ZNF843: variants seen among roughly 807,000 people sequenced by gnomAD.
ZNF843 encodes zinc finger protein 843.
For synonymous variants in ZNF843, 185 were observed against 207.7 expected (o/e 0.89, Z 0.94); for missense variants, 482 against 469.4 (o/e 1.03, Z -0.25).
At chr16:31,437,693 C>T (rs1373628556) in intron 1 of ZNF843, among the ~76,000 whole-genome samples, 3 of 143,694 alleles carry the variant, frequency 2.1e-5, no homozygotes, top group South Asian at 2.2e-4. Flanking sequence ...CTAGCTATGT[C>T]GGCTCACTGC....
rs2082183515 is a variant in ZNF843 at position 31,436,718 on chromosome 16, C to G, written c.132G>C (p.Gln44His). ...GCCAGTGCTGGAGGAGGGATGCGCT[C>G]TGAGTAAAACCCCTCCCGCAGGCCT... is the stretch of plus-strand genomic sequence containing the variant. ...KCKACGRGFT[Q>H]SASLLQHWRV... Residue 44 changes from glutamine to histidine, a missense_variant, in exon 2 of 2, where the codon CAG becomes CAC. Gln to His is a conservative substitution (Grantham distance 24). Transcript: ENST00000315678. 7.7e-6 allele frequency: 12 copies of G among 1,551,720 alleles called. No individual in the cohort carries two copies. Among genetic ancestry groups the G allele is most frequent in the Non-Finnish European group, 1.0e-5 (12 of 1,147,030 alleles).
At chr16:31,442,496 T>C (rs1187943659) in intron 1 of ZNF843, 140 bp downstream of exon 1, 1 of 151,994 alleles carries the variant, frequency 6.6e-6, no homozygotes, top group Non-Finnish European at 1.5e-5. Flanking sequence ...AATTTTTGCA[T>C]TTTTAGTAGA....
chr16:31,436,047 C>A lies in ZNF843; in HGVS notation c.803G>T (p.Gly268Val). Reference protein sequence around the residue: ...QPAAQQEGAMGPRSCASAGRD... With the variant: ...QPAAQQEGAMVPRSCASAGRD... ...TCCCGCGCTCGCACAGCTTCTGGGCCCCATCGCCCCCTCCTGCTGAGCTGC... is the reference window on the plus strand; with the variant it reads ...TCCCGCGCTCGCACAGCTTCTGGGCACCATCGCCCCCTCCTGCTGAGCTGC... Residue 268 changes from glycine (G) to valine (V), a missense_variant, in exon 2 of 2, where the codon GGG becomes GTG. Coordinates refer to ENST00000315678, the MANE Select transcript of ZNF843 (RefSeq NM_001136509.3). 6.5e-7 allele frequency: 1 copy of A among 1,541,352 alleles called. No homozygotes were observed. Among genetic ancestry groups the A allele is most frequent in the Admixed American group, 2.0e-5 (1 of 49,712 alleles).
chr16:31,436,750 T>C lies in ZNF843; in HGVS notation c.100A>G (p.Lys34Glu). Residue 34 changes from lysine (K) to glutamate (E), a missense_variant, in exon 2 of 2, where the codon AAG (lysine) becomes GAG (glutamate). Lys to Glu is a moderately conservative substitution (Grantham distance 56, BLOSUM62 1). Transcript: ENST00000315678. ...GRFTQGRQPC[K>E]CKACGRGFTQ... is the part of the protein sequence containing the mutation. ...AAACCCCTCCCGCAGGCCTTGCACT[T>C]GCAGGGCTGACGGCCCTGGGTGAAT... is the stretch of plus-strand genomic sequence containing the variant. The C allele has an allele frequency of 6.4e-7, 1 of 1,551,734 alleles. No individual in the cohort carries two copies. The highest frequency in any genetic ancestry group is 8.7e-7 in the Non-Finnish European group (1 of 1,147,026).
rs1323315595 is a variant in ZNF843 at position 31,436,319 on chromosome 16, G to A, written c.531C>T (p.Ser177=). 1.3e-6 allele frequency: 2 copies of A among 1,547,126 alleles called. No homozygotes were observed. Among genetic ancestry groups the A allele is most frequent in the Non-Finnish European group, 8.7e-7 (1 of 1,144,124 alleles). The part of the protein sequence containing the change: ...HPGEKTCRGG[S]VESVSLAPSS... ...TGGGTGCGAGGCTGACGCTCTCCAC[G>A]CTCCCACCCCTGCAGGTCTTCTCCC... Residue 177 remains serine, a synonymous_variant, in exon 2 of 2, where the codon AGC becomes AGT. Transcript: ENST00000315678.
chr16:31,442,469 C>A (rs2082204879), intron 1 of ZNF843, among the ~76,000 whole-genome samples, 167 bp downstream of exon 1: 1 of 152,152 alleles, frequency 6.6e-6, no homozygotes. Context: ...CACAGGCGTC[C>A]GCCACCACGC....
Position 31,436,453 on chromosome 16 carries a change from G to C in ZNF843, c.397C>G (p.Arg133Gly). The change falls in exon 2 of 2, where the codon CGG becomes GGG. Residue 133 changes from arginine (R) to glycine (G), a missense_variant. Arg to Gly is a moderately radical substitution (Grantham distance 125). Transcript: ENST00000315678. ...CTCCTGTGTGAATTCGCTGGTGGCC[G>C]ATCAGCTTCCACCGGTCCCCAAAAA... ...AGFWGPVEADRPPANSHRRVC... is the reference protein window; with the variant it reads ...AGFWGPVEADGPPANSHRRVC... 16 of 1,551,668 alleles carry C rather than the reference G, an allele frequency of 1.0e-5. No individual in the cohort carries two copies. The highest frequency in any genetic ancestry group is 1.4e-5 in the Non-Finnish European group (16 of 1,146,970).
rs1380403419 is a variant in ZNF843 at position 31,435,903 on chromosome 16, CGGCACTGTCGCTGAAGCCT to C, written c.928_946del (p.Arg310GlufsTer99). 6.5e-7 allele frequency: 1 copy of C among 1,544,388 alleles called. No individual in the cohort carries two copies. Among genetic ancestry groups the C allele is most frequent in the Non-Finnish European group, 8.7e-7 (1 of 1,143,676 alleles). ...TGGGTTCGAGGGCGGTGGAGGAGCT[CGGCACTGTCGCTGAAGCCT>C]GGCCCTGGCCTCGCCGAGCGGTCCG... On this transcript the variant is annotated frameshift_variant, in exon 2 of 2. Coordinates refer to ENST00000315678, the MANE Select transcript of ZNF843 (RefSeq NM_001136509.3). LOFTEE classifies it low-confidence loss of function (END_TRUNC).
chr16:31,439,034 C>T (rs562064119), intron 1 of ZNF843, among the ~76,000 whole-genome samples: 1 of 151,540 alleles, frequency 6.6e-6, no homozygotes, highest in African/African-American at 2.4e-5. Context: ...ATAGCATTAG[C>T]AGATATACCT....
In ZNF843 at chr16:31,435,856, C is replaced by T. The variant is rs1199880966; in HGVS notation, c.994G>A (p.Val332Met). The change falls in exon 2 of 2, where the codon GTG becomes ATG. Residue 332 changes from valine to methionine, a missense_variant. Val to Met is a conservative substitution (Grantham distance 21). Coordinates refer to ENST00000315678, the MANE Select transcript of ZNF843 (RefSeq NM_001136509.3). ...CTGGAGGCCTTCCACACCGGAAACA[C>T]TGGTAGGGCTCCTCTCCAGTGTGGG... ...SNPHWRGALP[V>M]FPVWKASSRR... 4.0e-6 allele frequency: 6 copies of T among 1,499,656 alleles called. No homozygotes were observed. The highest frequency in any genetic ancestry group is 5.3e-6 in the Non-Finnish European group (6 of 1,121,764). 92.9% of individuals were successfully genotyped at this position (1,499,656 alleles called of 1,614,324 possible).
intron 1 of ZNF843, among the ~76,000 whole-genome samples, chr16:31,438,377 C>T (rs2142883940): frequency 6.6e-6 from 1 of 152,280 alleles, no homozygotes; most frequent in Middle Eastern, 3.4e-3. Context: ...TTTTAACAAT[C>T]AAAGTAGCCA....
chr16:31,436,630 G>T lies in ZNF843; in HGVS notation c.220C>A (p.Pro74Thr). 2 of 1,551,584 alleles carry T rather than the reference G, an allele frequency of 1.3e-6. No individual in the cohort carries two copies. Among genetic ancestry groups the T allele is most frequent in the Non-Finnish European group, 1.7e-6 (2 of 1,146,972 alleles). Residue 74 changes from proline (P) to threonine (T), a missense_variant, in exon 2 of 2, where the codon CCG becomes ACG. Physicochemically the swap from Pro to Thr is conservative, Grantham distance 38. Transcript: ENST00000315678. ...LSPVRQDLLW[P>T]LQPHQAPASP... The stretch of plus-strand genomic sequence containing the variant: ...GCTGGTGCTTGATGAGGTTGGAGCG[G>T]CCACAGCAGGTCTTGCCGCACTGGG...
chr16:31,435,746 T>A lies in ZNF843; in HGVS notation c.*57A>T. The A allele has an allele frequency of 7.0e-7, 1 of 1,419,470 alleles. No homozygotes were observed. Among genetic ancestry groups the A allele is most frequent in the Non-Finnish European group, 9.3e-7 (1 of 1,078,244 alleles). 87.9% of individuals were successfully genotyped at this position (1,419,470 alleles called of 1,614,324 possible). A position where few individuals can be genotyped will look rare whatever the true frequency, so the allele number is the denominator to read the frequency against. ...TGGAGGGAGGGGACTGCATCTCAGATCCACAGTCCACCGGCGGCTGCAACA... is the reference window on the plus strand; with the variant it reads ...TGGAGGGAGGGGACTGCATCTCAGAACCACAGTCCACCGGCGGCTGCAACA... On this transcript the variant is annotated 3_prime_UTR_variant, in exon 2 of 2. Coordinates refer to ENST00000315678, the MANE Select transcript of ZNF843 (RefSeq NM_001136509.3).
chr16:31,440,223 T>C (rs2082196609), intron 1 of ZNF843, among the ~76,000 whole-genome samples: 1 of 152,250 alleles, frequency 6.6e-6, no homozygotes, highest in African/African-American at 2.4e-5. Context: ...TCCTCTGAAC[T>C]ACTATGCCAC....
At chr16:31,437,482 T>C (rs1488015557) in intron 1 of ZNF843, among the ~76,000 whole-genome samples, 1 of 150,866 alleles carries the variant, frequency 6.6e-6, no homozygotes, top group Non-Finnish European at 1.5e-5. Context: ...TTTTTTTTTT[T>C]TTTGGTAGAA....
chr16:31,440,941 A>G (rs1019961184), intron 1 of ZNF843, among the ~76,000 whole-genome samples: 20 of 152,186 alleles, frequency 1.3e-4, no homozygotes, highest in African/African-American at 4.8e-4. Flanking sequence ...ACTATCACTC[A>G]ACATTCTTCC....
Position 31,435,982 on chromosome 16 carries a change from C to T in ZNF843, c.868G>A (p.Glu290Lys). 6.6e-7 allele frequency: 1 copy of T among 1,524,264 alleles called. No homozygotes were observed. Among genetic ancestry groups the T allele is most frequent in the Non-Finnish European group, 8.8e-7 (1 of 1,132,430 alleles). 94.4% of individuals were successfully genotyped at this position (1,524,264 alleles called of 1,614,324 possible). Residue 290 changes from glutamate to lysine, a missense_variant, in exon 2 of 2, where the codon GAG (glutamate) becomes AAG (lysine). Physicochemically the swap from Glu to Lys is moderately conservative, Grantham distance 56 (BLOSUM62 1). Transcript: ENST00000315678. Reference sequence around the variant, plus strand: ...TGCTGCGAGGCCTTCCGGGCTGGCTCAGGGTAGCCTGGGGCCTGAACCGCC... The same window carrying T: ...TGCTGCGAGGCCTTCCGGGCTGGCTTAGGGTAGCCTGGGGCCTGAACCGCC... ...REAVQAPGYP[E>K]PARKASQHRA...
intron 1 of ZNF843, among the ~76,000 whole-genome samples, chr16:31,442,017 C>T (rs1376350770): frequency 2.0e-5 from 3 of 152,182 alleles, no homozygotes; most frequent in South Asian, 2.1e-4. Flanking sequence ...GGGAGGACTC[C>T]GGGACGGGGG....
At position 31,436,752 on chromosome 16, in the gene ZNF843, C is replaced by G. The variant is rs367799838; in HGVS notation, c.98G>C (p.Cys33Ser). 1.7e-5 allele frequency: 27 copies of G among 1,551,784 alleles called. No individual in the cohort carries two copies. In the East Asian group the frequency reaches 3.9e-4, roughly 22 times the overall value. The change falls in exon 2 of 2, where the codon TGC (cysteine) becomes TCC (serine). Residue 33 changes from cysteine (C) to serine (S), a missense_variant. Cys to Ser is a moderately radical substitution (Grantham distance 112). Transcript: ENST00000315678. ...TGRFTQGRQP[C>S]KCKACGRGFT... ...ACCCCTCCCGCAGGCCTTGCACTTG[C>G]AGGGCTGACGGCCCTGGGTGAATCT...
Sources: gnomAD v4.1 joint callset for allele counts (sites outside exome capture counted in the v4.1 genomes callset) on GRCh38, gnomAD v4.1.1 for gene constraint, MANE v1.5 for transcripts, NCBI Gene and HGNC (gene_info 2026-07-23, HGNC 2026-07-21) for gene names.